REDIC1: variants seen among roughly 807,000 people sequenced by gnomAD.
REDIC1 encodes the protein HEI10 Interacting Protein 1.
At chr12:39,693,743 C>T in the REDIC1 span, among the ~76,000 whole-genome samples, 1 of 152,052 alleles carries the variant, frequency 6.6e-6, no homozygotes, top group Admixed American at 6.6e-5. Context: ...CTTACAAATA[C>T]TGTAAGTGAA....
chr12:39,662,068 G>T, the REDIC1 span, among the ~76,000 whole-genome samples: 1 of 152,106 alleles, frequency 6.6e-6, no homozygotes, highest in Non-Finnish European at 1.5e-5. Context: ...ATATTTTGAA[G>T]TTGGGTAGTG....
At chr12:39,713,027 GTATATGTATATATA>G in the REDIC1 span, among the ~76,000 whole-genome samples, 1 of 140,520 alleles carries the variant, frequency 7.1e-6, no homozygotes, top group African/African-American at 2.7e-5. Context: ...GTATATACGT[GTATATGTATATATA>G]CATGTGTATA....
At chr12:39,781,007 A>T in the REDIC1 span, among the ~76,000 whole-genome samples, 2 of 152,220 alleles carry the variant, frequency 1.3e-5, no homozygotes, top group African/African-American at 4.8e-5. Flanking sequence ...ATAAACTGTA[A>T]GGCAGTTTCA....
chr12:39,774,840 A>G, the REDIC1 span, among the ~76,000 whole-genome samples: 113,602 of 151,952 alleles, frequency 0.75, 43,611 homozygotes, highest in Non-Finnish European at 0.84. Flanking sequence ...TGACTACCTT[A>G]TATACCCCAA....
chr12:39,813,165 C>T, the REDIC1 span, among the ~76,000 whole-genome samples: 5 of 151,464 alleles, frequency 3.3e-5, no homozygotes, highest in Non-Finnish European at 2.9e-5. Context: ...CTTTTGCCCT[C>T]CCTTTAAAAC....
chr12:39,626,973 G>T, the REDIC1 span, among the ~76,000 whole-genome samples: 1 of 152,140 alleles, frequency 6.6e-6, no homozygotes, highest in African/African-American at 2.4e-5. Flanking sequence ...CCTATTCATT[G>T]TTATTGACCT....
the REDIC1 span, among the ~76,000 whole-genome samples, chr12:39,726,152 C>CTCT: frequency 9.9e-5 from 15 of 151,030 alleles, no homozygotes; most frequent in African/African-American, 1.5e-4. Flanking sequence ...CCTCTTCCTC[C>CTCT]TCTTCTTCTT....
the REDIC1 span, among the ~76,000 whole-genome samples, chr12:39,694,669 G>A: frequency 3.3e-5 from 5 of 152,206 alleles, no homozygotes; most frequent in South Asian, 2.1e-4. Context: ...GGCAGTCTAG[G>A]CCACAAGAAC....
chr12:39,772,143 C>T, the REDIC1 span, among the ~76,000 whole-genome samples: 2 of 152,096 alleles, frequency 1.3e-5, no homozygotes, highest in Admixed American at 6.5e-5. Context: ...CCTTCTTCTA[C>T]GGTACTGAGA....
At chr12:39,671,090 G>A in the REDIC1 span, among the ~76,000 whole-genome samples, 2 of 152,100 alleles carry the variant, frequency 1.3e-5, no homozygotes, top group African/African-American at 4.8e-5. Flanking sequence ...TTTTGAAGGT[G>A]CCATATTTCC....
At chr12:39,817,398 G>A in the REDIC1 span, among the ~76,000 whole-genome samples, 1 of 128,676 alleles carries the variant, frequency 7.8e-6, no homozygotes, top group Non-Finnish European at 1.8e-5. Context: ...AGGATGGGGT[G>A]TGCTGGCTTC....
the REDIC1 span, among the ~76,000 whole-genome samples, chr12:39,658,744 T>C: frequency 6.6e-6 from 1 of 152,226 alleles, no homozygotes; most frequent in Non-Finnish European, 1.5e-5. Context: ...TTATTATTGA[T>C]TGCTTTAGAC....
chr12:39,900,016 G>A, the REDIC1 span, among the ~76,000 whole-genome samples: 11 of 152,078 alleles, frequency 7.2e-5, no homozygotes, highest in Admixed American at 7.2e-4. Context: ...TTCATCCCTG[G>A]GATGCAAGGC....
At chr12:39,867,481 A>G in the REDIC1 span, among the ~76,000 whole-genome samples, 1 of 152,290 alleles carries the variant, frequency 6.6e-6, no homozygotes, top group South Asian at 2.1e-4. Flanking sequence ...AAAACAAAAA[A>G]AAAACTGTTA....
At chr12:39,659,717 A>C in the REDIC1 span, among the ~76,000 whole-genome samples, 9 of 151,882 alleles carry the variant, frequency 5.9e-5, no homozygotes, top group Non-Finnish European at 1.5e-5. Context: ...TACGAATTCC[A>C]TTATTTTTGT....
chr12:39,667,415 C>T, the REDIC1 span, among the ~76,000 whole-genome samples: 1 of 152,182 alleles, frequency 6.6e-6, no homozygotes, highest in African/African-American at 2.4e-5. Context: ...AGTTTGATTG[C>T]ACTGTGGTCT....
At chr12:39,639,692 A>T in the REDIC1 span, among the ~76,000 whole-genome samples, 5 of 152,002 alleles carry the variant, frequency 3.3e-5, no homozygotes, top group African/African-American at 1.2e-4. Context: ...ACAGAAACAG[A>T]ACCTACCTTA....
chr12:39,682,987 T>C, the REDIC1 span: 3 of 1,613,340 alleles, frequency 1.9e-6, no homozygotes, highest in Middle Eastern at 1.7e-4. Context: ...AGTTCCAGAG[T>C]TGACTTTTAG....
At chr12:39,747,015 G>C in the REDIC1 span, among the ~76,000 whole-genome samples, 2 of 152,192 alleles carry the variant, frequency 1.3e-5, no homozygotes, top group African/African-American at 4.8e-5. Context: ...AAAAATCAGA[G>C]CACCTCTCCC....
Sources: allele counts gnomAD v4.1 joint callset (sites outside exome capture counted in the v4.1 genomes callset), GRCh38; gene constraint gnomAD v4.1.1; transcripts MANE v1.5; gene names NCBI Gene and HGNC (gene_info 2026-07-23, HGNC 2026-07-21).